Variants in SNRPN observed in about 807,000 individuals in gnomAD.
The protein encoded by SNRPN is small nuclear ribonucleoprotein-associated protein N.
SNRPN carries 7 observed loss-of-function variants against 25.2 expected under a neutral mutation model. The ratio of observed to expected loss-of-function variants is 0.28; its 90% CI spans 0.16 to 0.52. The LOEUF is 0.52. SNRPN is among the 20% of genes least tolerant of loss of function. The probability of loss-of-function intolerance (pLI) is 0.96; values close to 1 mark genes in which losing one functional copy is unlikely to be tolerated. For synonymous variants in SNRPN, 124 were observed against 110.6 expected, an observed-to-expected ratio of 1.12 and a Z score of -0.76; for missense variants, 196 against 322.5, an observed-to-expected ratio of 0.61 and a Z score of 3.00.
At chr15:24,892,263 CTAAAG>C (rs2057740448) in intron 2 of SNRPN, among the ~76,000 whole-genome samples, 1 of 151,994 alleles carries the variant, frequency 6.6e-6, no homozygotes, top group South Asian at 2.1e-4. Context: ...GCAGGGTGGA[CTAAAG>C]TTTAAGAGAA....
At position 24,882,991 on chromosome 15, in the gene SNRPN, G is replaced by T. The variant is rs1595681051; in HGVS notation, c.-578-3525G>T. On this transcript the variant is annotated intron_variant, in intron 1 of 11. Transcript: ENST00000400097. ...AACACAAAGTCTATTTTATAATAAA[G>T]TGTTGAATATCTCATGTAATTCATA... 2.0e-5 allele frequency among the ~76,000 whole-genome samples: 3 copies of T among 152,190 alleles called. No homozygotes were observed. In the East Asian group the frequency reaches 5.8e-4, roughly 29 times the overall value.
chr15:24,977,778 G>A lies in SNRPN; in HGVS notation c.421G>A (p.Val141Ile), dbSNP rs777534123. ...ACTGTTTCCCGCCCTGCCTTCTCAG[G>A]TAATGACTCCACAGGGAAGAGGCAC... ...VRGVGGPSQQ[V>I]MTPQGRGTVA... The change falls in exon 8 of 10, where the codon GTA (valine) becomes ATA (isoleucine). Residue 141 changes from valine to isoleucine, a missense_variant and splice_region_variant. Physicochemically the swap from Val to Ile is conservative, Grantham distance 29. Coordinates refer to ENST00000390687, the MANE Select transcript of SNRPN (RefSeq NM_003097.6). 2 of 1,597,704 alleles carry A rather than the reference G, an allele frequency of 1.3e-6. No individual in the cohort carries two copies. The highest frequency in any genetic ancestry group is 2.3e-5 in the South Asian group (2 of 88,102).
intron 2 of SNRPN, among the ~76,000 whole-genome samples, chr15:24,836,015 C>T (rs2051148842): frequency 6.6e-6 from 1 of 152,048 alleles, no homozygotes; most frequent in Non-Finnish European, 1.5e-5. Context: ...GTACCAGAGA[C>T]TGGGTGGCTT....
At chr15:24,840,758 C>T (rs1268301053) in intron 2 of SNRPN, among the ~76,000 whole-genome samples, 1 of 152,186 alleles carries the variant, frequency 6.6e-6, no homozygotes, top group Non-Finnish European at 1.5e-5. Flanking sequence ...ACTGTTTTGG[C>T]TTCTTGCTCA....
rs150324362 is a variant in SNRPN, at chr15:24,929,236, C to T, written c.-391+9112C>T. 1.6e-3 allele frequency among the ~76,000 whole-genome samples: 236 copies of T among 152,068 alleles called. 1 individual carries two copies. Among genetic ancestry groups the T allele is most frequent in the African/African-American group, 5.4e-3 (222 of 41,470 alleles). ...TGATATTTTCCATCCCAATCTACAC[C>T]GCAGGGTTTTTCCTTGCCTTCCTAT... On this transcript the variant is annotated intron_variant, in intron 3 of 11. Transcript: ENST00000400097. The surrounding 1 kb of genome is among the most constrained non-coding windows in gnomAD (Gnocchi z 5.3).
At chr15:24,977,162 A>G (rs1190597997) in intron 7 of SNRPN, 133 bp downstream of exon 7, 1 of 611,986 alleles carries the variant, frequency 1.6e-6, no homozygotes, top group African/African-American at 1.9e-5. Flanking sequence ...CAAAACACAG[A>G]TATATGGGAG....
chr15:24,888,850 T>G (rs972944335), intron 2 of SNRPN, among the ~76,000 whole-genome samples: 1 of 152,196 alleles, frequency 6.6e-6, no homozygotes, highest in Non-Finnish European at 1.5e-5. Flanking sequence ...AGTAAGTTCA[T>G]CATTTACTAA....
In SNRPN at chr15:24,900,684, C is replaced by A. The variant is rs150236551; in HGVS notation, c.-505+14095C>A. ...CAGCTACATGCAAAAGGAACTGTGA[C>A]ATATATTGGAAGAAACCTGGGGAAT... On this transcript the variant is annotated intron_variant, in intron 2 of 11. Coordinates refer to the SNRPN transcript ENST00000400097. 2.7e-4 allele frequency among the ~76,000 whole-genome samples: 41 copies of A among 152,244 alleles called. 1 individual carries two copies. The East Asian group carries it at 7.7e-3, about 29-fold the overall frequency.
In SNRPN at chr15:24,978,194, C is replaced by A; in HGVS notation, c.561C>A (p.Gly187=). The part of the protein sequence containing the change: ...PPVGRATPPP[G]IMAPPPGMRP... ...TATTTCTACCATTTTTCACTGTAGGCATTATGGCTCCTCCACCTGGTATGA... is the reference window on the plus strand; with the variant it reads ...TATTTCTACCATTTTTCACTGTAGGAATTATGGCTCCTCCACCTGGTATGA... The change falls in exon 9 of 10, where the codon GGC becomes GGA. Residue 187 remains glycine, a splice_region_variant and synonymous_variant. Coordinates refer to ENST00000390687, the MANE Select transcript of SNRPN (RefSeq NM_003097.6). The A allele has an allele frequency of 6.2e-7, 1 of 1,613,454 alleles. No homozygotes were observed. Among genetic ancestry groups the A allele is most frequent in the Non-Finnish European group, 8.5e-7 (1 of 1,179,646 alleles).
intron 6 of SNRPN, 33 bp from the exon 7 acceptor site, chr15:24,976,844 T>C (rs1186014031): frequency 6.3e-7 from 1 of 1,592,130 alleles, no homozygotes; most frequent in Admixed American, 1.8e-5. Flanking sequence ...TTGTAAATTG[T>C]TTGATTTTAG....
chr15:24,908,399 C>T (rs1432708821), intron 2 of SNRPN, among the ~76,000 whole-genome samples: 1 of 151,824 alleles, frequency 6.6e-6, no homozygotes, highest in African/African-American at 2.4e-5. Context: ...GCGATTCTGA[C>T]GAGGCTTCAG....
At chr15:24,926,743 G>T (rs1017900200) in intron 3 of SNRPN, among the ~76,000 whole-genome samples, 2 of 151,942 alleles carry the variant, frequency 1.3e-5, no homozygotes, top group African/African-American at 4.8e-5. Flanking sequence ...GCTGGCTCAC[G>T]GGTATAATCC....
At chr15:24,957,240 G>C (rs2063083477) in intron 1 of SNRPN, among the ~76,000 whole-genome samples, 1 of 152,142 alleles carries the variant, frequency 6.6e-6, no homozygotes, top group Non-Finnish European at 1.5e-5. Context: ...CATCGTGATG[G>C]CTCTTCCCGA....
intron 1 of SNRPN, among the ~76,000 whole-genome samples, chr15:24,858,631 T>TA (rs113103103): frequency 6.9e-4 from 100 of 144,352 alleles, no homozygotes; most frequent in South Asian, 1.5e-3. Context: ...CCTGTCTACT[T>TA]AAAAAAAAAA....
Position 24,871,984 on chromosome 15 carries a change from C to T in SNRPN, c.-578-14532C>T, listed in dbSNP as rs957488935. On this transcript the variant is annotated intron_variant, in intron 1 of 11. Coordinates refer to the SNRPN transcript ENST00000400097. The stretch of plus-strand genomic sequence containing the variant: ...CCTCCCAAAGTGCTAGGATTACAGG[C>T]GTAAGCCACCACGCCCGGCCTTTTG... Among the ~76,000 whole-genome samples, 10 of 120,064 alleles carry T rather than the reference C, an allele frequency of 8.3e-5. 1 individual carries two copies. The highest frequency in any genetic ancestry group is 2.9e-4 in the East Asian group (1 of 3,408). 78.8% of individuals were successfully genotyped at this position (120,064 alleles called of 152,430 possible). A position where few individuals can be genotyped will look rare whatever the true frequency, so the allele number is the denominator to read the frequency against.
chr15:24,944,227 CTA>C (rs2153092528), intron 3 of SNRPN, among the ~76,000 whole-genome samples: 1 of 152,308 alleles, frequency 6.6e-6, no homozygotes, highest in African/African-American at 2.4e-5. Context: ...CCACTCAAAA[CTA>C]CAGCTTTTCA....
intron 3 of SNRPN, among the ~76,000 whole-genome samples, chr15:24,932,864 G>A (rs2060965563): frequency 6.6e-6 from 1 of 152,004 alleles, no homozygotes; most frequent in Admixed American, 6.6e-5. Flanking sequence ...GGTTAGGCTG[G>A]TCTGGAACTC....
At position 24,873,169 on chromosome 15, in the gene SNRPN, C is replaced by CA. The variant is rs144050115; in HGVS notation, c.-578-13338dup. ...TTACCAATTACTCCCGCCTTGCCCG[C>CA]AAAAAAAAAGCAACAGGGATTCCCA... On this transcript the variant is annotated intron_variant, in intron 1 of 11. Transcript: ENST00000400097. 1.2e-3 allele frequency among the ~76,000 whole-genome samples: 137 copies of CA among 114,984 alleles called. 37 individuals carry two copies. Among genetic ancestry groups the CA allele is most frequent in the South Asian group, 5.8e-3 (18 of 3,114 alleles). 75.4% of individuals were successfully genotyped at this position (114,984 alleles called of 152,430 possible).
chr15:24,972,155 C>G (rs1325575385), intron 3 of SNRPN, among the ~76,000 whole-genome samples: 1 of 151,150 alleles, frequency 6.6e-6, no homozygotes, highest in African/African-American at 2.4e-5. Flanking sequence ...ACTCAGGAGG[C>G]TGAGGCAGGA....
Sources: allele counts gnomAD v4.1 joint callset (sites outside exome capture counted in the v4.1 genomes callset), GRCh38; gene constraint gnomAD v4.1.1; non-coding constraint Gnocchi (gnomAD v3.1); transcripts MANE v1.5; gene names NCBI Gene and HGNC (gene_info 2026-07-23, HGNC 2026-07-21).